CMSS1: variants seen among roughly 807,000 people sequenced by gnomAD.
CMSS1 encodes the protein cms1 ribosomal small subunit homolog, also known as protein CMSS1.
In CMSS1, 33 loss-of-function variants were observed where a neutral mutation model predicts 43.5. The observed-to-expected ratio is 0.76, with a 90% CI of 0.57 to 1.01. The LOEUF is 1.01. Ranked by LOEUF, CMSS1 falls within the 50% of genes least tolerant of loss-of-function variation. The pLI, the probability that CMSS1 is intolerant of heterozygous loss-of-function variation, is 0.00. For missense variants in CMSS1, 313 were observed against 326.4 expected, an observed-to-expected ratio of 0.96 and a Z score of 0.32; for synonymous variants, 115 against 117.2, an observed-to-expected ratio of 0.98 and a Z score of 0.12.
At chr3:99,948,566 AGGC>A (rs763955038) in intron 1 of CMSS1, among the ~76,000 whole-genome samples, 9 of 141,726 alleles carry the variant, frequency 6.4e-5, no homozygotes, top group Non-Finnish European at 1.4e-4. Context: ...AAGAAGGAGA[AGGC>A]GAAGGAGAAG....
chr3:100,001,398 G>A (rs1003886963), intron 1 of CMSS1, among the ~76,000 whole-genome samples: 25 of 152,180 alleles, frequency 1.6e-4, no homozygotes, highest in African/African-American at 5.3e-4. Context: ...TTACTATCTG[G>A]CTTTTTAGGG....
intron 4 of CMSS1, among the ~76,000 whole-genome samples, chr3:100,166,067 T>C (rs1030555972): frequency 6.6e-6 from 1 of 152,210 alleles, no homozygotes; most frequent in Admixed American, 6.5e-5. Context: ...ATTTGGAAAA[T>C]AAAGTTGCTT....
intron 1 of CMSS1, among the ~76,000 whole-genome samples, chr3:100,049,301 A>T (rs907046268): frequency 2.0e-5 from 3 of 152,188 alleles, no homozygotes; most frequent in Non-Finnish European, 4.4e-5. Context: ...CAAAGATTAG[A>T]GGTTAGACTA....
chr3:100,060,976 C>T (rs902326956), intron 1 of CMSS1, among the ~76,000 whole-genome samples: 11 of 152,092 alleles, frequency 7.2e-5, no homozygotes, highest in Admixed American at 2.0e-4. Flanking sequence ...CCTCATTAAC[C>T]GCACGAGGTG....
chr3:100,149,141 C>G (rs555664269), intron 2 of CMSS1, among the ~76,000 whole-genome samples: 2 of 152,232 alleles, frequency 1.3e-5, no homozygotes, highest in Admixed American at 1.3e-4. Context: ...TTGTTTGTTC[C>G]TTGCTCTTTC....
At chr3:100,166,437 T>G (rs916794165) in intron 5 of CMSS1, 43 bp downstream of exon 5, 4 of 1,324,256 alleles carry the variant, frequency 3.0e-6, no homozygotes, top group Admixed American at 1.7e-5. Context: ...TCATTCTTAT[T>G]TTGCTCTGGT....
intron 1 of CMSS1, among the ~76,000 whole-genome samples, chr3:99,909,575 T>C (rs1706727045): frequency 6.6e-6 from 1 of 152,190 alleles, no homozygotes; most frequent in South Asian, 2.1e-4. Context: ...AGAAACTCTC[T>C]AGAGTAAGAG....
intron 1 of CMSS1, among the ~76,000 whole-genome samples, chr3:100,072,439 C>A (rs1224554114): frequency 6.6e-6 from 1 of 152,194 alleles, no homozygotes; most frequent in East Asian, 1.9e-4. Flanking sequence ...TGGATTCCCC[C>A]CTTTCTAGAT....
rs139340018 is a variant in CMSS1 at position 99,985,131 on chromosome 3, G to C, written c.65-161842G>C. On this transcript the variant is annotated intron_variant, in intron 1 of 9. Coordinates refer to ENST00000421999, the MANE Select transcript of CMSS1 (RefSeq NM_032359.4). Reference sequence around the variant, plus strand: ...AGACTACTAGAAATAAAGTTCAAAAGTTAATTGGAGTAAAGAGAAGATTGA... The same window carrying C: ...AGACTACTAGAAATAAAGTTCAAAACTTAATTGGAGTAAAGAGAAGATTGA... Among the ~76,000 whole-genome samples the C allele has an allele frequency of 7.2e-3, 1,093 of 152,274 alleles. 4 individuals are homozygous for C. The highest frequency in any genetic ancestry group is 1.0e-2 in the African/African-American group (414 of 41,562).
chr3:100,176,107 T>C, intron 8 of CMSS1: 1 of 409,322 alleles, frequency 2.4e-6, no homozygotes, highest in Non-Finnish European at 4.4e-6. Context: ...GCAGTTTCTC[T>C]GCTTTCCTCA....
At chr3:99,872,301 G>T (rs1344986652) in intron 1 of CMSS1, among the ~76,000 whole-genome samples, 3 of 151,480 alleles carry the variant, frequency 2.0e-5, no homozygotes, top group Non-Finnish European at 4.4e-5. Flanking sequence ...GTGTGTGTGT[G>T]TGTGTGTGTG....
rs561648565 is a variant in CMSS1 at position 99,824,849 on chromosome 3, A to G, written c.64+6806A>G. 2.6e-5 allele frequency among the ~76,000 whole-genome samples: 4 copies of G among 152,348 alleles called. No individual in the cohort carries two copies. In the South Asian group the frequency reaches 8.3e-4, roughly 32 times the overall value. On this transcript the variant is annotated intron_variant, in intron 1 of 9. Transcript: ENST00000421999. ...TGACAGCTTTTGTCACCTAGAATCA[A>G]TGTGCTTATTCTTTTTGAGATTGCT...
At chr3:99,861,660 C>A (rs1475105259) in intron 1 of CMSS1, among the ~76,000 whole-genome samples, 5 of 152,160 alleles carry the variant, frequency 3.3e-5, no homozygotes, top group Admixed American at 6.5e-5. Flanking sequence ...TTCCCTATTA[C>A]CCCCAGCAAG....
At chr3:99,856,378 C>T (rs115243400) in intron 1 of CMSS1, among the ~76,000 whole-genome samples, 2,399 of 152,250 alleles carry the variant, frequency 0.016, 58 homozygotes, top group African/African-American at 0.054. Flanking sequence ...TCTTTATGTA[C>T]CCTCAGGGGT....
intron 1 of CMSS1, among the ~76,000 whole-genome samples, chr3:99,864,050 G>C (rs527359943): frequency 4.7e-4 from 72 of 152,224 alleles, no homozygotes; most frequent in African/African-American, 1.7e-3. Context: ...AAACTTTGTA[G>C]GATCTATTTT....
At chr3:100,163,274 A>C (rs1253974045) in intron 4 of CMSS1, among the ~76,000 whole-genome samples, 1 of 152,350 alleles carries the variant, frequency 6.6e-6, no homozygotes, top group East Asian at 1.9e-4. Context: ...CAAGAACTTT[A>C]GCCTTAATAA....
rs552997459 is a variant in CMSS1 at position 99,853,278 on chromosome 3, G to C, written c.64+35235G>C. Reference sequence around the variant, plus strand: ...GATGTAATGGTTTTGACAATGCCTTGAGCATAATTACAGTGAAATATTTTT... The same window carrying C: ...GATGTAATGGTTTTGACAATGCCTTCAGCATAATTACAGTGAAATATTTTT... On this transcript the variant is annotated intron_variant, in intron 1 of 9. Transcript: ENST00000421999. 1.9e-4 allele frequency among the ~76,000 whole-genome samples: 29 copies of C among 152,306 alleles called. No homozygotes were observed. In the South Asian group the frequency reaches 2.3e-3, roughly 12 times the overall value.
At chr3:99,940,321 CAT>C (rs1707815512) in intron 1 of CMSS1, among the ~76,000 whole-genome samples, 1 of 152,204 alleles carries the variant, frequency 6.6e-6, no homozygotes. Context: ...TCTTGAAAAT[CAT>C]ATGATTCTTT....
intron 1 of CMSS1, among the ~76,000 whole-genome samples, chr3:99,957,628 G>A (rs893588472): frequency 1.4e-4 from 20 of 142,998 alleles, no homozygotes; most frequent in Admixed American, 9.9e-4. Flanking sequence ...TAGTTCAGCC[G>A]TCAGACTGGA....
Sources: allele counts gnomAD v4.1 joint callset (sites outside exome capture counted in the v4.1 genomes callset), GRCh38; gene constraint gnomAD v4.1.1; transcripts MANE v1.5; gene names NCBI Gene and HGNC (gene_info 2026-07-23, HGNC 2026-07-21).